The following CNTN4 variants were observed in gnomAD, a reference collection of about 807,000 sequenced individuals.
The protein encoded by CNTN4 is contactin 4, also known as contactin-4.
In CNTN4, 77 loss-of-function variants were observed where a neutral mutation model predicts 122.5. The ratio of observed to expected loss-of-function variants is 0.63; its 90% CI spans 0.52 to 0.76. CNTN4 has a LOEUF of 0.76. CNTN4 is among the 30% of genes least tolerant of loss of function. The probability of loss-of-function intolerance (pLI) is 0.00; values close to 1 mark genes in which losing one functional copy is unlikely to be tolerated. For missense variants in CNTN4, 1,256 were observed against 1,259.1 expected, an observed-to-expected ratio of 1.00 and a Z score of 0.04; for synonymous variants, 512 against 447.0, an observed-to-expected ratio of 1.15 and a Z score of -1.83.
chr3:2,810,439 G>T (rs1256519998), intron 6 of CNTN4, among the ~76,000 whole-genome samples: 2 of 152,122 alleles, frequency 1.3e-5, no homozygotes, highest in African/African-American at 4.8e-5. Flanking sequence ...AGAGTGATAT[G>T]TGATCTAGTA....
chr3:2,519,859 GA>G, intron 3 of CNTN4, among the ~76,000 whole-genome samples: 1 of 152,208 alleles, frequency 6.6e-6, no homozygotes, highest in East Asian at 1.9e-4. Flanking sequence ...TTGGTTGCGG[GA>G]AAAATATGCG....
At chr3:2,789,214 A>G (rs778413661) in intron 6 of CNTN4, among the ~76,000 whole-genome samples, 6 of 152,126 alleles carry the variant, frequency 3.9e-5, no homozygotes, top group Non-Finnish European at 7.4e-5. Flanking sequence ...GACTTCTCCT[A>G]TTACCTGTGT....
intron 4 of CNTN4, among the ~76,000 whole-genome samples, chr3:2,596,578 A>G (rs1243623075): frequency 2.0e-5 from 3 of 150,740 alleles, no homozygotes; most frequent in Non-Finnish European, 4.4e-5. Flanking sequence ...ATATTTATGC[A>G]CATTTTGTAT....
At chr3:2,720,903 G>A (rs549928727) in intron 4 of CNTN4, among the ~76,000 whole-genome samples, 2 of 152,278 alleles carry the variant, frequency 1.3e-5, no homozygotes, top group South Asian at 2.1e-4. Flanking sequence ...TAGTGGTAGA[G>A]CTGAGATTTT....
At chr3:2,202,219 A>G (rs1192825701) in intron 2 of CNTN4, among the ~76,000 whole-genome samples, 1 of 152,164 alleles carries the variant, frequency 6.6e-6, no homozygotes, top group Non-Finnish European at 1.5e-5. Flanking sequence ...AGATCCAGAA[A>G]CATTTTCTGG....
At position 2,103,212 on chromosome 3, in the gene CNTN4, TTTC is replaced by T. The variant is rs1170553917; in HGVS notation, c.-145+2576_-145+2578del. 5.3e-5 allele frequency among the ~76,000 whole-genome samples: 8 copies of T among 152,160 alleles called. No individual in the cohort carries two copies. The East Asian group carries it at 1.4e-3, about 26-fold the overall frequency. The stretch of plus-strand genomic sequence containing the variant: ...TTTTTTTTGCTTTTGCCTCAATACT[TTTC>T]TTATTTAAGCCACTGGACCGCTTTT... On this transcript the variant is annotated intron_variant, in intron 2 of 24. Transcript: ENST00000418658.
chr3:3,034,921 C>A (rs1274359611), intron 17 of CNTN4, 131 bp downstream of exon 17: 2 of 980,736 alleles, frequency 2.0e-6, no homozygotes. Flanking sequence ...GTTTCCTAAA[C>A]CTCGGCCAAC....
At chr3:3,048,502 TTCTCTC>T (rs58018554) in intron 23 of CNTN4, among the ~76,000 whole-genome samples, 1 of 140,644 alleles carries the variant, frequency 7.1e-6, no homozygotes, top group Non-Finnish European at 1.5e-5. Flanking sequence ...CTCTCTCTCT[TTCTCTC>T]TCTCTCTCTG....
intron 2 of CNTN4, among the ~76,000 whole-genome samples, chr3:2,242,264 T>C (rs1404100869): frequency 6.6e-6 from 1 of 152,088 alleles, no homozygotes. Context: ...ACAACCATAA[T>C]GGCCACTACC....
At chr3:2,388,788 T>C (rs1423235426) in intron 3 of CNTN4, among the ~76,000 whole-genome samples, 1 of 150,580 alleles carries the variant, frequency 6.6e-6, no homozygotes. Context: ...GAGGTTGCAG[T>C]GAACCGAGAT....
intron 2 of CNTN4, among the ~76,000 whole-genome samples, chr3:2,134,766 C>CAT (rs1256208320): frequency 6.6e-6 from 1 of 152,172 alleles, no homozygotes; most frequent in Admixed American, 6.5e-5. Context: ...AGAAACAGAA[C>CAT]ATATATGATG....
chr3:2,781,576 CA>C (rs1223854754), intron 6 of CNTN4, among the ~76,000 whole-genome samples: 9 of 151,946 alleles, frequency 5.9e-5, no homozygotes, highest in Admixed American at 3.3e-4. Context: ...AACATGTGCC[CA>C]AGTGGTCGGG....
chr3:2,978,484 C>A lies in CNTN4; in HGVS notation c.1359-9861C>A, dbSNP rs187886246. The stretch of plus-strand genomic sequence containing the variant: ...GAGGGCTGCTGCCCGTCTCCTCCAG[C>A]CTATTGGTGCCCTAAGGGGATATGT... On this transcript the variant is annotated intron_variant, in intron 13 of 24. Transcript: ENST00000418658. 1.2e-4 allele frequency among the ~76,000 whole-genome samples: 19 copies of A among 152,350 alleles called. 1 individual carries two copies. The highest frequency in any genetic ancestry group is 1.0e-3 in the Admixed American group (16 of 15,306).
At chr3:2,433,214 G>A (rs1433622361) in intron 3 of CNTN4, among the ~76,000 whole-genome samples, 1 of 152,162 alleles carries the variant, frequency 6.6e-6, no homozygotes, top group Admixed American at 6.5e-5. Flanking sequence ...CTAAGGAACT[G>A]CCATACTGTT....
intron 2 of CNTN4, among the ~76,000 whole-genome samples, chr3:2,116,422 A>G (rs1179159492): frequency 1.3e-5 from 2 of 152,152 alleles, no homozygotes; most frequent in African/African-American, 4.8e-5. Flanking sequence ...CATCCTCAGA[A>G]ACACCTGGGA....
At chr3:2,163,339 T>C (rs929524869) in intron 2 of CNTN4, among the ~76,000 whole-genome samples, 5 of 152,110 alleles carry the variant, frequency 3.3e-5, no homozygotes, top group African/African-American at 1.2e-4. Flanking sequence ...TCTCACCTTA[T>C]ACAAAAATCA....
intron 2 of CNTN4, among the ~76,000 whole-genome samples, chr3:2,264,241 TA>T (rs1174533843): frequency 2.0e-5 from 3 of 152,170 alleles, no homozygotes; most frequent in Admixed American, 1.3e-4. Flanking sequence ...AAACAGTGTA[TA>T]AGCTTTCCCC....
At chr3:2,674,045 G>A (rs2084691061) in intron 4 of CNTN4, among the ~76,000 whole-genome samples, 1 of 152,148 alleles carries the variant, frequency 6.6e-6, no homozygotes, top group African/African-American at 2.4e-5. Context: ...CCCAGCTGAT[G>A]CTCCAGCTGA....
intron 7 of CNTN4, among the ~76,000 whole-genome samples, chr3:2,827,346 G>T (rs1308664716): frequency 6.6e-6 from 1 of 152,190 alleles, no homozygotes; most frequent in African/African-American, 2.4e-5. Context: ...TCTGTTATGA[G>T]GATGAAAAGA....
Sources: allele counts gnomAD v4.1 joint callset (sites outside exome capture counted in the v4.1 genomes callset), GRCh38; gene constraint gnomAD v4.1.1; transcripts MANE v1.5; gene names NCBI Gene and HGNC (gene_info 2026-07-23, HGNC 2026-07-21).